Variants in NEBL observed in about 807,000 individuals in gnomAD.
The protein encoded by NEBL is nebulette, also known as LIM and SH3 protein 2.
Under a neutral mutation model 140.2 loss-of-function variants are expected in NEBL, and 122 were observed. The observed-to-expected ratio is 0.87, with a 90% confidence interval of 0.75 to 1.01. The LOEUF (loss-of-function observed/expected upper bound fraction) is 1.01. Ranked by LOEUF, NEBL falls within the 50% of genes least tolerant of loss-of-function variation. The pLI, the probability that NEBL is intolerant of heterozygous loss-of-function variation, is 0.00. For synonymous variants in NEBL, 436 were observed against 398.9 expected, an observed-to-expected ratio of 1.09 and a Z score of -1.11; for missense variants, 1,365 against 1,231.3, an observed-to-expected ratio of 1.11 and a Z score of -1.62.
chr10:21,253,757 T>G (rs997762056), intron 1 of NEBL, among the ~76,000 whole-genome samples: 1 of 152,090 alleles, frequency 6.6e-6, no homozygotes, highest in African/African-American at 2.4e-5. Flanking sequence ...TTGGCCAGGC[T>G]GGTCTCAAAC....
intron 16 of NEBL, among the ~76,000 whole-genome samples, chr10:20,830,405 A>G (rs1434408043): frequency 1.3e-5 from 2 of 152,094 alleles, no homozygotes; most frequent in East Asian, 1.9e-4. Flanking sequence ...TTGCTAATGA[A>G]TGTTTTTGCC....
intron 4 of NEBL, among the ~76,000 whole-genome samples, chr10:20,922,435 C>T (rs918298832): frequency 6.6e-6 from 1 of 152,218 alleles, no homozygotes; most frequent in African/African-American, 2.4e-5. Context: ...TGTCACTTTA[C>T]ATCCCTCCCT....
Position 21,259,332 on chromosome 10 carries a change from T to C in NEBL, n.183-7504A>G, listed in dbSNP as rs139453588. ...ACACACAGACTTCATCACTAGGCTG[T>C]GCCCATCCCTACTTGGAGACGGCGA... On this transcript the variant is annotated intron_variant and non_coding_transcript_variant, in intron 1 of 8. Transcript: ENST00000675702. Among the ~76,000 whole-genome samples the C allele has an allele frequency of 5.7e-4, 87 of 152,166 alleles. 1 individual carries two copies. The highest frequency in any genetic ancestry group is 2.0e-3 in the African/African-American group (83 of 41,526).
At chr10:21,128,399 A>G (rs1227091618) in intron 2 of NEBL, among the ~76,000 whole-genome samples, 3 of 152,134 alleles carry the variant, frequency 2.0e-5, no homozygotes, top group African/African-American at 7.2e-5. Flanking sequence ...CAAAAATGTC[A>G]CACACACACC....
At chr10:21,181,315 T>A (rs1289472760) in intron 3 of NEBL, among the ~76,000 whole-genome samples, 2 of 146,704 alleles carry the variant, frequency 1.4e-5, no homozygotes, top group Admixed American at 6.9e-5. Context: ...TGCGCACGTA[T>A]CCCGGAGCCT....
chr10:20,799,967 G>A (rs1018104329), intron 26 of NEBL, among the ~76,000 whole-genome samples: 2 of 151,912 alleles, frequency 1.3e-5, no homozygotes, highest in Admixed American at 6.6e-5. Flanking sequence ...GAAAGAGAGA[G>A]CGCACGCGTG....
intron 2 of NEBL, among the ~76,000 whole-genome samples, chr10:20,891,958 A>G (rs788963): frequency 0.89 from 134,872 of 152,198 alleles, 59,960 homozygotes; most frequent in South Asian, 0.92. Context: ...GGAAATGATC[A>G]TTGAAAGGGA....
At chr10:21,238,861 G>A (rs1227781288) in intron 3 of NEBL, among the ~76,000 whole-genome samples, 7 of 151,998 alleles carry the variant, frequency 4.6e-5, no homozygotes, top group Admixed American at 4.6e-4. Flanking sequence ...TTTTCAAGGT[G>A]TGTCTGATGT....
intron 2 of NEBL, among the ~76,000 whole-genome samples, chr10:21,074,177 A>T (rs1835951914): frequency 6.6e-6 from 1 of 152,092 alleles, no homozygotes; most frequent in Non-Finnish European, 1.5e-5. Context: ...CCCTTTCAGG[A>T]CCTCTCCCCA....
intron 12 of NEBL, among the ~76,000 whole-genome samples, chr10:20,844,732 T>C (rs1309808780): frequency 1.3e-5 from 2 of 152,026 alleles, no homozygotes; most frequent in South Asian, 2.1e-4. Context: ...AAACTACTTA[T>C]AAGTAATGTA....
chr10:21,122,836 A>G (rs1461638064), intron 2 of NEBL, among the ~76,000 whole-genome samples: 2 of 152,154 alleles, frequency 1.3e-5, no homozygotes, highest in Non-Finnish European at 2.9e-5. Context: ...AAAGACATCC[A>G]CTTATACCCC....
At chr10:20,861,090 A>G (rs970381540) in intron 7 of NEBL, among the ~76,000 whole-genome samples, 7 of 152,232 alleles carry the variant, frequency 4.6e-5, no homozygotes, top group African/African-American at 1.7e-4. Flanking sequence ...CTTGAAATCA[A>G]TAACAAAATT....
chr10:21,246,381 A>G (rs1252826001), intron 3 of NEBL, among the ~76,000 whole-genome samples: 1 of 152,234 alleles, frequency 6.6e-6, no homozygotes, highest in African/African-American at 2.4e-5. Context: ...GAAAAGGAAA[A>G]TGTTACGTCA....
At chr10:20,790,832 A>T (rs1202852955) in intron 26 of NEBL, among the ~76,000 whole-genome samples, 1 of 152,188 alleles carries the variant, frequency 6.6e-6, no homozygotes, top group Non-Finnish European at 1.5e-5. Context: ...TGGTTGAAAG[A>T]TAGCTATTCC....
intron 26 of NEBL, among the ~76,000 whole-genome samples, chr10:20,795,311 G>C (rs951252622): frequency 6.6e-6 from 1 of 152,042 alleles, no homozygotes; most frequent in Non-Finnish European, 1.5e-5. Context: ...GCTCATAGAG[G>C]TTACTCTATT....
At chr10:21,206,381 G>A in intron 3 of NEBL, among the ~76,000 whole-genome samples, 1 of 152,172 alleles carries the variant, frequency 6.6e-6, no homozygotes, top group South Asian at 2.1e-4. Context: ...TTTAACATGT[G>A]CTAGTGAAAA....
intron 3 of NEBL, among the ~76,000 whole-genome samples, chr10:20,979,472 C>T (rs1836941226): frequency 6.6e-6 from 1 of 152,102 alleles, no homozygotes; most frequent in Non-Finnish European, 1.5e-5. Flanking sequence ...TTATTTCTTA[C>T]ATGTAATGTA....
At chr10:21,187,839 C>T (rs562269442) in intron 3 of NEBL, among the ~76,000 whole-genome samples, 2 of 152,260 alleles carry the variant, frequency 1.3e-5, no homozygotes, top group East Asian at 1.9e-4. Flanking sequence ...AAACAGAATG[C>T]TCTGCTTATT....
intron 3 of NEBL, among the ~76,000 whole-genome samples, chr10:20,974,848 T>C (rs1349046795): frequency 1.3e-5 from 2 of 152,188 alleles, no homozygotes; most frequent in East Asian, 3.8e-4. Flanking sequence ...ACGTGAATTT[T>C]CAACAGGAAA....
Sources: gnomAD v4.1 joint callset for allele counts (sites outside exome capture counted in the v4.1 genomes callset) on GRCh38, gnomAD v4.1.1 for gene constraint, MANE v1.5 for transcripts, NCBI Gene and HGNC (gene_info 2026-07-23, HGNC 2026-07-21) for gene names.